Variants in RAB34 observed in about 807,000 individuals in gnomAD.
RAB34 encodes the protein ras-related protein Rab-34.
In RAB34, 33 loss-of-function variants were observed where a neutral mutation model predicts 39.0. The observed-to-expected ratio is 0.85, with a 90% CI of 0.64 to 1.13. The LOEUF (loss-of-function observed/expected upper bound fraction) is 1.13, where lower values mean the gene tolerates loss of function less well. Among genes scored for constraint, RAB34 ranks in the 50% most tolerant of loss-of-function variants. The pLI is 0.00. For missense variants in RAB34, 289 were observed against 326.1 expected (o/e 0.89, Z 0.88); for synonymous variants, 135 against 125.1 (o/e 1.08, Z -0.53).
Position 28,714,689 on chromosome 17 carries a change from T to G in RAB34, c.734A>C (p.Asn245Thr). The G allele has an allele frequency of 1.2e-6, 2 of 1,614,014 alleles. No individual in the cohort carries two copies. The highest frequency in any genetic ancestry group is 1.7e-6 in the Non-Finnish European group (2 of 1,179,998). ...CTTCTTGCTGGCAGTTAGGTAGAGG[T>G]TGCTGTCATCACTGTTGATGCCTAA... is the stretch of plus-strand genomic sequence containing the variant. ...DVVRINSDDS[N>T]LYLTASKKKP... The change falls in exon 10 of 10, where the codon AAC becomes ACC. Residue 245 changes from asparagine (N) to threonine (T), a missense_variant. Coordinates refer to ENST00000395245, the MANE Select transcript of RAB34 (RefSeq NM_031934.6).
At chr17:28,716,124 C>T in intron 2 of RAB34, 66 bp from the exon 3 acceptor site, 3 of 1,608,362 alleles carry the variant, frequency 1.9e-6, no homozygotes, top group Non-Finnish European at 2.5e-6. Flanking sequence ...AGTTCCAATG[C>T]TCCCGACTAG....
At chr17:28,716,535 G>A (rs1460045782) in intron 2 of RAB34, 2 of 253,890 alleles carry the variant, frequency 7.9e-6, no homozygotes, top group Non-Finnish European at 1.5e-5. Context: ...AATTAATGGT[G>A]CCAACTGTTA....
At position 28,717,392 on chromosome 17, in the gene RAB34, G is replaced by C; in HGVS notation, c.-126C>G. 1 of 1,523,828 alleles carries C rather than the reference G, an allele frequency of 6.6e-7. No individual in the cohort carries two copies. The highest frequency in any genetic ancestry group is 1.2e-5 in the South Asian group (1 of 83,514). The allele number at this position is 1,523,828 out of a possible 1,614,324, so 94.4% of individuals were successfully genotyped here. The stretch of plus-strand genomic sequence containing the variant: ...TGTCCCGACTACAACTCGGGGCCAC[G>C]GGGACCCTACGGGAGTCCGCGGTCT... On this transcript the variant is annotated 5_prime_UTR_variant, in exon 1 of 10. Transcript: ENST00000395245.
rs1456180951 is a variant in RAB34, at chr17:28,717,336, G to T, written c.-70C>A. 6.5e-7 allele frequency: 1 copy of T among 1,539,452 alleles called. No homozygotes were observed. Among genetic ancestry groups the T allele is most frequent in the Admixed American group, 1.9e-5 (1 of 51,372 alleles). On this transcript the variant is annotated 5_prime_UTR_variant, in exon 1 of 10. Coordinates refer to ENST00000395245, the MANE Select transcript of RAB34 (RefSeq NM_031934.6). ...GGATCCGCGTCAGCGACCCGGGCGC[G>T]TGGAGACCCGACGATCACCCGCGGC...
chr17:28,716,774 A>T, intron 2 of RAB34, 129 bp downstream of exon 2: 1 of 1,098,670 alleles, frequency 9.1e-7, no homozygotes, highest in Non-Finnish European at 1.3e-6. Flanking sequence ...CAGGGGCTTA[A>T]AGAGGGGGAA....
At chr17:28,717,939 G>GGGC, upstream of RAB34, 4 of 1,206,560 alleles carry the variant, frequency 3.3e-6, no homozygotes, top group Non-Finnish European at 4.2e-6. Context: ...AGGCCTCGCT[G>GGGC]CCCGCCCTCG....
rs760062556 is a variant in RAB34, at chr17:28,714,781, G to A, written c.712+12C>T. 4 of 1,613,910 alleles carry A rather than the reference G, an allele frequency of 2.5e-6. No individual in the cohort carries two copies. Among genetic ancestry groups the A allele is most frequent in the East Asian group, 2.2e-5 (1 of 44,900 alleles). On this transcript the variant is annotated intron_variant, in intron 9 of 9. Transcript: ENST00000395245. ...TGTGCCCTCTGCCACCCTCAACCAG[G>A]CAAGCACTCACGGACAACATCCCCA...
At chr17:28,718,234 CCCT>C (rs769701744), upstream of RAB34, 32 of 1,578,136 alleles carry the variant, frequency 2.0e-5, no homozygotes, top group East Asian at 7.0e-5. Context: ...GGCGGCGCTT[CCCT>C]CCTCAACTCC....
Position 28,714,410 on chromosome 17 carries a change from G to A in RAB34, c.*233C>T, listed in dbSNP as rs2032981328. On this transcript the variant is annotated 3_prime_UTR_variant, in exon 10 of 10. Transcript: ENST00000395245. ...GAGACACTCTCCCTCACTACCACTG[G>A]GCGCCCTGGACAGTCCCCTGAGGAG... is the stretch of plus-strand genomic sequence containing the variant. 4 of 743,560 alleles carry A rather than the reference G, an allele frequency of 5.4e-6. No homozygotes were observed. Among genetic ancestry groups the A allele is most frequent in the Non-Finnish European group, 8.9e-6 (4 of 447,328 alleles). The allele number at this position is 743,560 out of a possible 1,614,324, so 46.1% of individuals were successfully genotyped here. A position where few individuals can be genotyped will look rare whatever the true frequency, so the allele number is the denominator to read the frequency against.
At position 28,714,806 on chromosome 17, in the gene RAB34, A is replaced by G; in HGVS notation, c.699T>C (p.Ile233=). The G allele has an allele frequency of 6.2e-7, 1 of 1,614,074 alleles. No homozygotes were observed. Among genetic ancestry groups the G allele is most frequent in the Non-Finnish European group, 8.5e-7 (1 of 1,180,002 alleles). Residue 233 remains isoleucine (I), a synonymous_variant, in exon 9 of 10, where the codon ATT becomes ATC. Transcript: ENST00000395245. ...AELEKSGARR[I]GDVVRINSDD... ...GCAAGCACTCACGGACAACATCCCC[A>G]ATGCGTCGAGCCCCCGATTTCTCCA...
Position 28,717,783 on chromosome 17 carries a change from C to T in RAB34, c.-517G>A, listed in dbSNP as rs1322713116. 1 of 1,328,022 alleles carries T rather than the reference C, an allele frequency of 7.5e-7. No homozygotes were observed. The highest frequency in any genetic ancestry group is 9.6e-7 in the Non-Finnish European group (1 of 1,045,196). The allele number at this position is 1,328,022 out of a possible 1,614,324, so 82.3% of individuals were successfully genotyped here. ...TGGGCAGGGGCGGCGCTGCCAAGGC[C>T]CGCAGGCCGCTGGAGGAGGGGGCGA... On this transcript the variant is annotated 5_prime_UTR_variant, in exon 1 of 10. Transcript: ENST00000395245.
chr17:28,716,182 G>A (rs2033401004), intron 2 of RAB34, 124 bp from the exon 3 acceptor site: 1 of 1,351,034 alleles, frequency 7.4e-7, no homozygotes, highest in Admixed American at 2.2e-5. Context: ...TAGACACCAG[G>A]CATCCCAGGC....
chr17:28,717,164 C>A (rs2033610083), intron 1 of RAB34, 49 bp downstream of exon 1: 1 of 1,559,746 alleles, frequency 6.4e-7, no homozygotes, highest in Non-Finnish European at 8.6e-7. Flanking sequence ...CTCCTCCTCG[C>A]CCACACCCCG....
chr17:28,715,266 C>T lies in RAB34; in HGVS notation c.442G>A (p.Ala148Thr), dbSNP rs1334137584. ...GGGTCATTCTCCTTCAGGGCATCGG[C>T]CAGCCACTGCCTGCCATGGGAGGTG... ...ASLEHTKQWL[A>T]DALKENDPSS... Residue 148 changes from alanine to threonine, a missense_variant, in exon 7 of 10, where the codon GCC becomes ACC. Ala to Thr is a moderately conservative substitution (Grantham distance 58). Coordinates refer to ENST00000395245, the MANE Select transcript of RAB34 (RefSeq NM_031934.6). 6.2e-7 allele frequency: 1 copy of T among 1,613,266 alleles called. No individual in the cohort carries two copies. Among genetic ancestry groups the T allele is most frequent in the Non-Finnish European group, 8.5e-7 (1 of 1,179,796 alleles).
rs2033807364 is a variant in RAB34, at chr17:28,717,864, G to T, written c.-598C>A. On this transcript the variant is annotated 5_prime_UTR_variant, in exon 1 of 10. Transcript: ENST00000395245. ...CCCACTCCGCTCGGGCTCCGCCAAC[G>T]CTGTAACACGATCCCCGGAAATTCC... 2.2e-6 allele frequency: 3 copies of T among 1,350,138 alleles called. No individual in the cohort carries two copies. Among genetic ancestry groups the T allele is most frequent in the Non-Finnish European group, 2.8e-6 (3 of 1,058,726 alleles). The allele number at this position is 1,350,138 out of a possible 1,614,324, so 83.6% of individuals were successfully genotyped here.
Position 28,717,304 on chromosome 17 carries a change from C to A in RAB34, c.-38G>T. Reference sequence around the variant, plus strand: ...CTTGCAGGGCGCCCTGAGAAGGCGCCGAGGCCGGATCCGCGTCAGCGACCC... The same window carrying A: ...CTTGCAGGGCGCCCTGAGAAGGCGCAGAGGCCGGATCCGCGTCAGCGACCC... On this transcript the variant is annotated 5_prime_UTR_variant, in exon 1 of 10. Transcript: ENST00000395245. 2 of 1,564,302 alleles carry A rather than the reference C, an allele frequency of 1.3e-6. No individual in the cohort carries two copies. Among genetic ancestry groups the A allele is most frequent in the Non-Finnish European group, 8.6e-7 (1 of 1,159,034 alleles).
chr17:28,714,987 G>C (rs2033098944), intron 8 of RAB34, 45 bp downstream of exon 8: 1 of 1,602,038 alleles, frequency 6.2e-7, no homozygotes, highest in Admixed American at 1.7e-5. Flanking sequence ...TGAGAGGAGA[G>C]CCAGGCAAGA....
At chr17:28,716,799 G>T in intron 2 of RAB34, 104 bp downstream of exon 2, 6 of 1,306,506 alleles carry the variant, frequency 4.6e-6, no homozygotes, top group Non-Finnish European at 6.3e-6. Context: ...CCATATAGCT[G>T]GTAGGGGCTG....
chr17:28,717,139 C>A (rs1227355413), intron 1 of RAB34, 74 bp downstream of exon 1: 11 of 1,539,744 alleles, frequency 7.1e-6, no homozygotes, highest in Non-Finnish European at 9.6e-6. Flanking sequence ...AGTCCTCTAA[C>A]TGGTCTGGTG....
Sources: allele counts gnomAD v4.1 joint callset, GRCh38; gene constraint gnomAD v4.1.1; transcripts MANE v1.5; gene names NCBI Gene and HGNC (gene_info 2026-07-23, HGNC 2026-07-21).